Variants in IL1RAP observed in about 807,000 individuals in gnomAD.
The protein encoded by IL1RAP is interleukin 1 receptor accessory protein.
A neutral mutation model predicts 60.7 loss-of-function variants in IL1RAP; 35 were observed. The ratio of observed to expected loss-of-function variants is 0.58; its 90% CI spans 0.44 to 0.76. The LOEUF (loss-of-function observed/expected upper bound fraction) is 0.76. IL1RAP is among the 30% of genes least tolerant of loss of function. The pLI, the probability that IL1RAP is intolerant of heterozygous loss-of-function variation, is 0.00. For missense variants in IL1RAP, 572 were observed against 693.9 expected (o/e 0.82, Z 1.97); for synonymous variants, 268 against 250.9 (o/e 1.07, Z -0.64).
chr3:190,533,811 G>C (rs927987090), intron 1 of IL1RAP, among the ~76,000 whole-genome samples: 1 of 152,154 alleles, frequency 6.6e-6, no homozygotes, highest in Non-Finnish European at 1.5e-5. Context: ...AAACAAGTCC[G>C]AGTCAGGCCA....
rs75392769 is a variant in IL1RAP at position 190,570,376 on chromosome 3, T to C, written c.64+6023T>C. Among the ~76,000 whole-genome samples the C allele has an allele frequency of 7.4e-3, 1,127 of 152,282 alleles. 8 individuals are homozygous for C. Among genetic ancestry groups the C allele is most frequent in the Non-Finnish European group, 0.012 (823 of 68,012 alleles). On this transcript the variant is annotated intron_variant, in intron 3 of 11. Coordinates refer to ENST00000447382, the MANE Select transcript of IL1RAP (RefSeq NM_002182.4). The stretch of plus-strand genomic sequence containing the variant: ...ATCACTTCCTCAGCAACCTAGACCA[T>C]ATTCTGTTGTGTTTTATGACATTCA...
intron 9 of IL1RAP, among the ~76,000 whole-genome samples, chr3:190,643,707 C>T (rs185743792): frequency 1.9e-3 from 295 of 152,152 alleles, no homozygotes; most frequent in African/African-American, 6.4e-3. Flanking sequence ...TTTTTGAGGC[C>T]GATTTCCAAG....
At chr3:190,557,291 A>G (rs1181765005) in intron 2 of IL1RAP, among the ~76,000 whole-genome samples, 1 of 152,166 alleles carries the variant, frequency 6.6e-6, no homozygotes, top group African/African-American at 2.4e-5. Context: ...CTTGTGAGGG[A>G]CAGGACTTCA....
intron 1 of IL1RAP, among the ~76,000 whole-genome samples, chr3:190,522,912 G>T (rs549890738): frequency 1.3e-5 from 2 of 152,098 alleles, no homozygotes; most frequent in South Asian, 4.2e-4. Context: ...ATATTGTAGG[G>T]GTTTGAATTT....
At chr3:190,604,957 T>A (rs1730175989) in intron 4 of IL1RAP, among the ~76,000 whole-genome samples, 2 of 152,180 alleles carry the variant, frequency 1.3e-5, no homozygotes, top group African/African-American at 4.8e-5. Flanking sequence ...ATCATTTCTG[T>A]CAGACACTGC....
intron 3 of IL1RAP, among the ~76,000 whole-genome samples, chr3:190,566,523 G>C (rs1484492120): frequency 6.6e-6 from 1 of 152,120 alleles, no homozygotes; most frequent in Non-Finnish European, 1.5e-5. Context: ...GTTGGTAAGA[G>C]AGCTTTCTAT....
chr3:190,605,687 G>A (rs942785508), intron 4 of IL1RAP, among the ~76,000 whole-genome samples: 8 of 152,068 alleles, frequency 5.3e-5, no homozygotes, highest in African/African-American at 1.9e-4. Context: ...TCCTTGGCTT[G>A]TATATGGCCA....
intron 3 of IL1RAP, among the ~76,000 whole-genome samples, chr3:190,569,516 G>T (rs1726725468): frequency 6.6e-6 from 1 of 151,820 alleles, no homozygotes; most frequent in Non-Finnish European, 1.5e-5. Context: ...AGTCCTAAAG[G>T]TCATTGGAAT....
chr3:190,578,680 G>A (rs1727714038), intron 3 of IL1RAP, among the ~76,000 whole-genome samples: 1 of 152,140 alleles, frequency 6.6e-6, no homozygotes, highest in South Asian at 2.1e-4. Flanking sequence ...TGCTAATAAA[G>A]ACATACCCAA....
downstream of IL1RAP, among the ~76,000 whole-genome samples, chr3:190,652,580 G>A (rs1484369594): frequency 3.3e-5 from 5 of 152,138 alleles, no homozygotes; most frequent in Non-Finnish European, 4.4e-5. Flanking sequence ...AGCCCCAAAA[G>A]TGTAGGCTTA....
chr3:190,515,073 C>G (rs1235277158), intron 1 of IL1RAP, among the ~76,000 whole-genome samples: 1 of 152,200 alleles, frequency 6.6e-6, no homozygotes, highest in African/African-American at 2.4e-5. Context: ...GGGCGCCACG[C>G]GAAGCATTCT....
At chr3:190,517,907 A>G (rs926784799) in intron 1 of IL1RAP, 1 of 152,164 alleles carries the variant, frequency 6.6e-6, no homozygotes, top group Non-Finnish European at 1.5e-5. Flanking sequence ...TGCCTTGCCC[A>G]TGAAATATTA....
chr3:190,580,296 A>G (rs965795351), intron 3 of IL1RAP, among the ~76,000 whole-genome samples: 1 of 152,182 alleles, frequency 6.6e-6, no homozygotes, highest in Non-Finnish European at 1.5e-5. Flanking sequence ...GCTCTTGTGT[A>G]TCTCGTGTTC....
Position 190,560,488 on chromosome 3 carries a change from C to T in IL1RAP, c.-1-3801C>T, listed in dbSNP as rs1275784026. 2.0e-5 allele frequency among the ~76,000 whole-genome samples: 3 copies of T among 152,170 alleles called. No homozygotes were observed. In the East Asian group the frequency reaches 5.8e-4, roughly 29 times the overall value. ...TCTTTACAGGGACATAAGGTAGGCT[C>T]CTGGAAGAGGGTGCTGACGAGCACC... On this transcript the variant is annotated intron_variant, in intron 2 of 11. Coordinates refer to ENST00000447382, the MANE Select transcript of IL1RAP (RefSeq NM_002182.4).
intron 2 of IL1RAP, among the ~76,000 whole-genome samples, chr3:190,561,544 T>A (rs1223129885): frequency 6.6e-6 from 1 of 152,218 alleles, no homozygotes; most frequent in Non-Finnish European, 1.5e-5. Context: ...CTAATTAGAA[T>A]GTCTTATAAA....
chr3:190,566,970 C>G (rs941199982), intron 3 of IL1RAP, among the ~76,000 whole-genome samples: 1 of 152,184 alleles, frequency 6.6e-6, no homozygotes, highest in East Asian at 1.9e-4. Flanking sequence ...AGGAACAAAG[C>G]AGAAATGTTC....
chr3:190,654,921 A>G (rs917226565), downstream of IL1RAP, among the ~76,000 whole-genome samples: 1 of 152,236 alleles, frequency 6.6e-6, no homozygotes, highest in Non-Finnish European at 1.5e-5. Context: ...GTCCAAATCC[A>G]CTTTGATACC....
At chr3:190,616,714 A>G (rs1731305377) in intron 5 of IL1RAP, among the ~76,000 whole-genome samples, 1 of 152,128 alleles carries the variant, frequency 6.6e-6, no homozygotes, top group Non-Finnish European at 1.5e-5. Context: ...CCCACCATCC[A>G]ATGTCTTATA....
chr3:190,633,393 G>T (rs4687164), intron 9 of IL1RAP, among the ~76,000 whole-genome samples: 93,062 of 151,960 alleles, frequency 0.61, 29,891 homozygotes, highest in East Asian at 0.81. Context: ...GAGTCTCACT[G>T]TCACTTAGGC....
Sources: gnomAD v4.1 joint callset for allele counts (sites outside exome capture counted in the v4.1 genomes callset) on GRCh38, gnomAD v4.1.1 for gene constraint, MANE v1.5 for transcripts, NCBI Gene and HGNC (gene_info 2026-07-23, HGNC 2026-07-21) for gene names.